Variants in CPNE8 observed in about 807,000 individuals in gnomAD.
CPNE8 encodes the protein copine-8.
In CPNE8, 45 loss-of-function variants were observed where a neutral mutation model predicts 81.5. The observed-to-expected ratio is 0.55, with a 90% CI of 0.44 to 0.71. CPNE8 has a LOEUF of 0.71. Among genes scored for constraint, CPNE8 ranks in the 30% least tolerant of loss-of-function variants. The pLI, the probability that CPNE8 is intolerant of heterozygous loss-of-function variation, is 0.00. For synonymous variants in CPNE8, 252 were observed against 226.3 expected (o/e 1.11, Z -1.02); for missense variants, 594 against 672.1 (o/e 0.88, Z 1.28).
At chr12:38,738,970 C>T (rs993576340) in intron 10 of CPNE8, among the ~76,000 whole-genome samples, 3 of 151,938 alleles carry the variant, frequency 2.0e-5, no homozygotes, top group Non-Finnish European at 4.4e-5. Flanking sequence ...CATACCACCA[C>T]ACCCAGCTAA....
intron 11 of CPNE8, among the ~76,000 whole-genome samples, chr12:38,728,708 G>A (rs1484857271): frequency 1.3e-5 from 2 of 152,068 alleles, no homozygotes; most frequent in African/African-American, 4.8e-5. Flanking sequence ...ATTATATGAA[G>A]AACTAATGGC....
intron 10 of CPNE8, among the ~76,000 whole-genome samples, chr12:38,750,166 C>A (rs1941322751): frequency 6.6e-6 from 1 of 152,140 alleles, no homozygotes; most frequent in Non-Finnish European, 1.5e-5. Context: ...GCAGCTTCCA[C>A]ATGGTGTTGA....
chr12:38,806,986 GA>G (rs1268876705), intron 6 of CPNE8, among the ~76,000 whole-genome samples: 6 of 150,564 alleles, frequency 4.0e-5, no homozygotes, highest in Non-Finnish European at 4.5e-5. Context: ...AATCATGAGT[GA>G]ACTCCCATTC....
At chr12:38,840,642 G>C (rs1457886759) in intron 4 of CPNE8, among the ~76,000 whole-genome samples, 4 of 152,100 alleles carry the variant, frequency 2.6e-5, no homozygotes, top group African/African-American at 9.7e-5. Context: ...TATCTTAAAT[G>C]CTATTGTTAA....
intron 6 of CPNE8, among the ~76,000 whole-genome samples, chr12:38,780,823 CAAG>C (rs1942036045): frequency 1.3e-5 from 2 of 151,874 alleles, no homozygotes; most frequent in African/African-American, 4.8e-5. Flanking sequence ...CATTTATATT[CAAG>C]AATCTTTGCT....
At chr12:38,866,554 T>C (rs959715286) in intron 3 of CPNE8, among the ~76,000 whole-genome samples, 4 of 151,820 alleles carry the variant, frequency 2.6e-5, no homozygotes, top group Non-Finnish European at 5.9e-5. Flanking sequence ...AATGAAATAA[T>C]GTAATGAGTA....
intron 4 of CPNE8, among the ~76,000 whole-genome samples, chr12:38,847,905 T>G (rs941348724): frequency 1.7e-4 from 26 of 152,128 alleles, no homozygotes; most frequent in African/African-American, 5.6e-4. Context: ...TAAGCATATT[T>G]TACCCACCTG....
At chr12:38,799,932 T>A (rs896223591) in intron 6 of CPNE8, among the ~76,000 whole-genome samples, 1 of 151,274 alleles carries the variant, frequency 6.6e-6, no homozygotes, top group African/African-American at 2.4e-5. Flanking sequence ...CCCACCCGAA[T>A]ATTGCGCTTT....
At chr12:38,731,841 AAC>A (rs1179480797) in intron 10 of CPNE8, among the ~76,000 whole-genome samples, 1 of 151,958 alleles carries the variant, frequency 6.6e-6, no homozygotes, top group East Asian at 1.9e-4. Context: ...GTTTAATCAG[AAC>A]ACATAAAATA....
intron 19 of CPNE8, among the ~76,000 whole-genome samples, chr12:38,666,465 G>C (rs1457913445): frequency 6.6e-6 from 1 of 152,082 alleles, no homozygotes; most frequent in Non-Finnish European, 1.5e-5. Flanking sequence ...AGTAATATGG[G>C]GACAAAGTGA....
rs1939513473 is a variant in CPNE8, at chr12:38,685,530, C to CATAT, written c.1227_1230dup (p.Gly411IlefsTer11). ...ATTACAGGAGCAAAGTTGGTGGGCC[C>CATAT]ATATAGTTGTACAGATTTCAGACTC... On this transcript the variant is annotated frameshift_variant, in exon 16 of 20. Coordinates refer to ENST00000331366, the MANE Select transcript of CPNE8 (RefSeq NM_153634.3). LOFTEE classifies it high-confidence loss of function. 6.2e-7 allele frequency: 1 copy of CATAT among 1,613,430 alleles called. No individual in the cohort carries two copies. The highest frequency in any genetic ancestry group is 1.3e-5 in the African/African-American group (1 of 74,980).
intron 3 of CPNE8, among the ~76,000 whole-genome samples, chr12:38,856,070 C>T (rs1943728779): frequency 6.6e-6 from 1 of 151,872 alleles, no homozygotes; most frequent in Non-Finnish European, 1.5e-5. Context: ...TTATGAACAA[C>T]TTTAGCCAAC....
In CPNE8 at chr12:38,819,797, G is replaced by C. The variant is rs1016651400; in HGVS notation, c.407+9582C>G. On this transcript the variant is annotated intron_variant, in intron 6 of 19. Coordinates refer to ENST00000331366, the MANE Select transcript of CPNE8 (RefSeq NM_153634.3). ...AAAAAAAAAAAAAAAAAAGAGCAGAGATAATTCCCAAATGTTCCTTCCAAA... is the reference window on the plus strand; with the variant it reads ...AAAAAAAAAAAAAAAAAAGAGCAGACATAATTCCCAAATGTTCCTTCCAAA... 2.7e-5 allele frequency among the ~76,000 whole-genome samples: 4 copies of C among 146,446 alleles called. No homozygotes were observed. In the South Asian group the frequency reaches 8.7e-4, roughly 32 times the overall value.
chr12:38,876,290 C>CA (rs1170612211), intron 1 of CPNE8, among the ~76,000 whole-genome samples: 8 of 152,176 alleles, frequency 5.3e-5, no homozygotes, highest in African/African-American at 1.9e-4. Flanking sequence ...CTGTTCATTG[C>CA]AACCTCCGCC....
At chr12:38,880,084 GCCAAA>G (rs1406890445) in intron 1 of CPNE8, among the ~76,000 whole-genome samples, 1 of 152,140 alleles carries the variant, frequency 6.6e-6, no homozygotes, top group Admixed American at 6.5e-5. Flanking sequence ...TATAAGTAGA[GCCAAA>G]CAATGCTTTA....
intron 16 of CPNE8, 33 bp downstream of exon 16, chr12:38,685,457 T>C: frequency 6.2e-7 from 1 of 1,604,506 alleles, no homozygotes; most frequent in East Asian, 2.2e-5. Flanking sequence ...TTCCAGTACA[T>C]CAGAATAAGC....
intron 13 of CPNE8, among the ~76,000 whole-genome samples, chr12:38,703,295 G>A (rs141888703): frequency 6.4e-4 from 98 of 152,130 alleles, no homozygotes; most frequent in Non-Finnish European, 1.0e-3. Context: ...TGTAGTAATC[G>A]TGAAATTAGC....
At chr12:38,683,290 A>C (rs1454360527) in intron 16 of CPNE8, among the ~76,000 whole-genome samples, 1 of 152,172 alleles carries the variant, frequency 6.6e-6, no homozygotes, top group Non-Finnish European at 1.5e-5. Context: ...ATATCAAGCC[A>C]ATATAAAAAG....
chr12:38,781,164 T>C (rs1047699151), intron 6 of CPNE8, among the ~76,000 whole-genome samples: 1 of 152,032 alleles, frequency 6.6e-6, no homozygotes, highest in African/African-American at 2.4e-5. Flanking sequence ...AAGTACTTTA[T>C]AGTTTCAAGT....
Sources: gnomAD v4.1 joint callset for allele counts (sites outside exome capture counted in the v4.1 genomes callset) on GRCh38, gnomAD v4.1.1 for gene constraint, MANE v1.5 for transcripts, NCBI Gene and HGNC (gene_info 2026-07-23, HGNC 2026-07-21) for gene names.